Variants in SRBD1 observed in about 807,000 individuals in gnomAD.
SRBD1 encodes S1 RNA binding domain 1.
SRBD1 carries 88 observed loss-of-function variants against 115.3 expected under a neutral mutation model. That is an observed-to-expected ratio of 0.76 (90% CI 0.64 to 0.91). SRBD1 has a LOEUF of 0.91. Ranked by LOEUF, SRBD1 falls within the 40% of genes least tolerant of loss-of-function variation. SRBD1 has a pLI of 0.00. For missense variants in SRBD1, 1,385 were observed against 1,177.4 expected, an observed-to-expected ratio of 1.18 and a Z score of -2.58; for synonymous variants, 509 against 407.7, an observed-to-expected ratio of 1.25 and a Z score of -2.99.
chr2:45,535,609 C>T (rs1453069551), intron 14 of SRBD1, among the ~76,000 whole-genome samples: 1 of 151,906 alleles, frequency 6.6e-6, no homozygotes, highest in Admixed American at 6.6e-5. Context: ...ACCCAGAACT[C>T]CAGAAAATGT....
chr2:45,452,346 A>T (rs1436348443), intron 16 of SRBD1, among the ~76,000 whole-genome samples: 1 of 151,952 alleles, frequency 6.6e-6, no homozygotes, highest in African/African-American at 2.4e-5. Context: ...TCACACGCCT[A>T]CTTTTACCTG....
chr2:45,479,273 G>A (rs540402655), intron 15 of SRBD1, among the ~76,000 whole-genome samples: 2 of 152,208 alleles, frequency 1.3e-5, no homozygotes, highest in South Asian at 2.1e-4. Flanking sequence ...AGAGTCGCAC[G>A]TCTCTCACTT....
At chr2:45,573,679 T>C (rs1436530076) in intron 8 of SRBD1, among the ~76,000 whole-genome samples, 1 of 152,154 alleles carries the variant, frequency 6.6e-6, no homozygotes, top group Non-Finnish European at 1.5e-5. Flanking sequence ...TTCTAATCAC[T>C]AAGACAGTCA....
At chr2:45,536,609 T>C (rs757850673) in intron 14 of SRBD1, among the ~76,000 whole-genome samples, 3 of 152,154 alleles carry the variant, frequency 2.0e-5, no homozygotes, top group Admixed American at 6.5e-5. Flanking sequence ...GGAATTTTAA[T>C]TGAGATTGGG....
At chr2:45,459,340 C>T (rs1256232153) in intron 16 of SRBD1, among the ~76,000 whole-genome samples, 1 of 152,172 alleles carries the variant, frequency 6.6e-6, no homozygotes, top group Non-Finnish European at 1.5e-5. Context: ...TGGGCCTTCA[C>T]TTCCTCATTC....
At chr2:45,473,524 G>C (rs925924564) in intron 16 of SRBD1, among the ~76,000 whole-genome samples, 12 of 152,264 alleles carry the variant, frequency 7.9e-5, no homozygotes, top group Non-Finnish European at 1.6e-4. Flanking sequence ...GAAACAATCA[G>C]AGAAGGTTCA....
chr2:45,418,676 T>TAA (rs71948671), intron 17 of SRBD1, 135 bp from the exon 18 acceptor site: 14 of 393,440 alleles, frequency 3.6e-5, no homozygotes, highest in East Asian at 1.2e-4. Context: ...AAAGGGAGTT[T>TAA]AAAAAAAAAA....
At chr2:45,586,805 C>T (rs542450284) in intron 4 of SRBD1, among the ~76,000 whole-genome samples, 3 of 150,302 alleles carry the variant, frequency 2.0e-5, no homozygotes, top group East Asian at 2.0e-4. Context: ...TCTCAGCCTC[C>T]GAAAGTGCTG....
rs1384519021 is a variant in SRBD1, at chr2:45,611,210, A to G, written c.-1+9T>C. ...GCAAGACGACCGCCAAGGCGCACGC[A>G]CAGCTCACCTTCCCGCCCGGCACGT... On this transcript the variant is annotated intron_variant, in intron 1 of 20. Transcript: ENST00000263736. 6.6e-6 allele frequency: 1 copy of G among 152,150 alleles called. No homozygotes were observed. Among genetic ancestry groups the G allele is most frequent in the African/African-American group, 2.4e-5 (1 of 41,454 alleles). The allele number at this position is 152,150 out of a possible 1,614,324, so 9.4% of individuals were successfully genotyped here. A position where few individuals can be genotyped will look rare whatever the true frequency, so the allele number is the denominator to read the frequency against.
chr2:45,571,710 A>C (rs6753931), intron 9 of SRBD1, among the ~76,000 whole-genome samples: 24,545 of 151,924 alleles, frequency 0.16, 3,001 homozygotes, highest in African/African-American at 0.34. Flanking sequence ...AAAAAAGAAC[A>C]AAATAGAAAT....
intron 14 of SRBD1, among the ~76,000 whole-genome samples, chr2:45,520,269 A>G (rs1246816743): frequency 2.0e-5 from 3 of 152,200 alleles, no homozygotes; most frequent in African/African-American, 7.2e-5. Context: ...GCAGGAGCAC[A>G]TATGCTAAAG....
chr2:45,396,367 C>T (rs1232203292), intron 19 of SRBD1, among the ~76,000 whole-genome samples: 1 of 152,108 alleles, frequency 6.6e-6, no homozygotes, highest in Non-Finnish European at 1.5e-5. Flanking sequence ...AAATTATATA[C>T]ATGCTTTTAA....
intron 16 of SRBD1, among the ~76,000 whole-genome samples, chr2:45,451,269 A>G (rs111595052): frequency 7.8e-4 from 118 of 152,212 alleles, no homozygotes; most frequent in African/African-American, 2.4e-3. Context: ...AAGTTTTGGC[A>G]TTTATTCTCA....
intron 14 of SRBD1, among the ~76,000 whole-genome samples, chr2:45,534,478 A>T (rs1056551171): frequency 6.6e-6 from 1 of 151,992 alleles, no homozygotes; most frequent in African/African-American, 2.4e-5. Context: ...CCATCACTGT[A>T]GAAAGAAATG....
chr2:45,403,790 GA>G (rs914212988), intron 19 of SRBD1, among the ~76,000 whole-genome samples: 14 of 151,732 alleles, frequency 9.2e-5, no homozygotes, highest in Admixed American at 7.2e-4. Context: ...GCTTTTTAAT[GA>G]AAAAAAATTA....
At chr2:45,413,468 GCTTT>G (rs1667667256) in intron 18 of SRBD1, among the ~76,000 whole-genome samples, 175 bp from the exon 19 acceptor site, 2 of 152,176 alleles carry the variant, frequency 1.3e-5, no homozygotes, top group Non-Finnish European at 2.9e-5. Context: ...TGGGAAAAGG[GCTTT>G]CTGTTACTTA....
At chr2:45,535,634 A>G (rs1164129707) in intron 14 of SRBD1, among the ~76,000 whole-genome samples, 1 of 152,034 alleles carries the variant, frequency 6.6e-6, no homozygotes, top group East Asian at 1.9e-4. Context: ...TCTGGGCCAG[A>G]AGATAAAATA....
intron 12 of SRBD1, among the ~76,000 whole-genome samples, chr2:45,550,888 CAATATCTCTACTGAGA>C (rs1672275112): frequency 6.6e-6 from 1 of 152,130 alleles, no homozygotes; most frequent in Admixed American, 6.5e-5. Flanking sequence ...AATTAATCCT[CAATATCTCTACTGAGA>C]TATAGGAAGC....
At chr2:45,511,946 T>G (rs934006918) in intron 14 of SRBD1, among the ~76,000 whole-genome samples, 1 of 152,190 alleles carries the variant, frequency 6.6e-6, no homozygotes, top group Non-Finnish European at 1.5e-5. Flanking sequence ...AGACTTCCAA[T>G]GCTAATCTCC....
Sources: gnomAD v4.1 joint callset for allele counts (sites outside exome capture counted in the v4.1 genomes callset) on GRCh38, gnomAD v4.1.1 for gene constraint, MANE v1.5 for transcripts, NCBI Gene and HGNC (gene_info 2026-07-23, HGNC 2026-07-21) for gene names.